The following ACP5 variants were observed in gnomAD, a reference collection of about 807,000 sequenced individuals.
The protein encoded by ACP5 is acid phosphatase 5, tartrate resistant.
ACP5 carries 24 observed loss-of-function variants against 28.7 expected under a neutral mutation model. That is an observed-to-expected ratio of 0.84 (90% CI 0.61 to 1.18). ACP5 has a LOEUF of 1.18. Among genes scored for constraint, ACP5 ranks in the 50% most tolerant of loss-of-function variants. The pLI, the probability that ACP5 is intolerant of heterozygous loss-of-function variation, is 0.00. For missense variants in ACP5, 354 were observed against 422.2 expected, an observed-to-expected ratio of 0.84 and a Z score of 1.42; for synonymous variants, 154 against 181.4, an observed-to-expected ratio of 0.85 and a Z score of 1.21.
chr19:11,578,409 C>A (rs904610459), upstream of ACP5, among the ~76,000 whole-genome samples: 2 of 152,184 alleles, frequency 1.3e-5, no homozygotes, highest in South Asian at 4.1e-4. Flanking sequence ...CCCCTCCCCC[C>A]AGACTCCCAT....
chr19:11,576,197 G>A lies in ACP5; in HGVS notation c.735+46C>T, dbSNP rs559438510. On this transcript the variant is annotated intron_variant, in intron 4 of 4. Coordinates refer to ENST00000648477, the MANE Select transcript of ACP5 (RefSeq NM_001611.5). The stretch of plus-strand genomic sequence containing the variant: ...CAGCCATGTGGACATCAGCTGGGAT[G>A]GGGACCCCCCTCACCCAGCTCCCAC... The A allele has an allele frequency of 8.5e-5, 133 of 1,558,976 alleles. 1 individual carries two copies. In the South Asian group the frequency reaches 1.5e-3, roughly 17 times the overall value.
At chr19:11,575,273 G>A in intron 4 of ACP5, 21 bp from the exon 5 acceptor site, 1 of 1,613,108 alleles carries the variant, frequency 6.2e-7, no homozygotes, top group Non-Finnish European at 8.5e-7. Context: ...AGGACAAGGG[G>A]TCAGTGGAGA....
chr19:11,575,367 C>T, intron 4 of ACP5, 115 bp from the exon 5 acceptor site: 1 of 1,292,474 alleles, frequency 7.7e-7, no homozygotes. Flanking sequence ...TGTAACCCCT[C>T]CTGGCTTCAA....
chr19:11,575,220 C>T lies in ACP5; in HGVS notation c.768G>A (p.Val256=), dbSNP rs1388573962. ...YLQDENGVGY[V]LSGAGNFMDP... ...CCATGAAATTCCCAGCCCCACTCAG[C>T]ACGTAGCCCACGCCATTCTCATCTT... The change falls in exon 5 of 5, where the codon GTG becomes GTA. Residue 256 remains valine (V), a synonymous_variant. Coordinates refer to ENST00000648477, the MANE Select transcript of ACP5 (RefSeq NM_001611.5). 6.2e-7 allele frequency: 1 copy of T among 1,613,870 alleles called. No homozygotes were observed. The highest frequency in any genetic ancestry group is 8.5e-7 in the Non-Finnish European group (1 of 1,180,034).
In ACP5 at chr19:11,576,498, T is replaced by C. The variant is rs373684791; in HGVS notation, c.480A>G (p.Leu160=). 6.2e-6 allele frequency: 10 copies of C among 1,613,978 alleles called. No individual in the cohort carries two copies. The highest frequency in any genetic ancestry group is 8.5e-6 in the Non-Finnish European group (10 of 1,179,978). The change falls in exon 4 of 5, where the codon CTA becomes CTG. Residue 160 remains leucine, a synonymous_variant. Transcript: ENST00000648477. ...VAIFMLDTVT[L]CGNSDDFLSQ... ...TGAGGAAGTCATCTGAGTTGCCACA[T>C]AGTGTCACTGTGTCCAGCATAAAAA...
At chr19:11,578,407 C>A (rs1485079242), upstream of ACP5, among the ~76,000 whole-genome samples, 1 of 152,174 alleles carries the variant, frequency 6.6e-6, no homozygotes, top group Non-Finnish European at 1.5e-5. Context: ...CTCCCCTCCC[C>A]CCAGACTCCC....
intron 4 of ACP5, among the ~76,000 whole-genome samples, 180 bp downstream of exon 4, chr19:11,576,063 G>A (rs1160324233): frequency 1.4e-5 from 2 of 144,800 alleles, no homozygotes; most frequent in African/African-American, 2.6e-5. Context: ...TTGGCAATTC[G>A]AAGATATTAT....
In ACP5 at chr19:11,576,707, G is replaced by A. The variant is rs769135184; in HGVS notation, c.389+9C>T. On this transcript the variant is annotated intron_variant, in intron 3 of 4. Transcript: ENST00000648477. ...AGGATCTCGGAAGGCAGGGCTGAGGGTGGCTCACCAGCGCTTGGAGATCTT... is the reference window on the plus strand; with the variant it reads ...AGGATCTCGGAAGGCAGGGCTGAGGATGGCTCACCAGCGCTTGGAGATCTT... 4.3e-6 allele frequency: 7 copies of A among 1,613,350 alleles called. No individual in the cohort carries two copies. Among genetic ancestry groups the A allele is most frequent in the East Asian group, 4.5e-5 (2 of 44,806 alleles).
In ACP5 at chr19:11,575,038, G is replaced by C. The variant is rs375523195; in HGVS notation, c.950C>G (p.Thr317Ser). 2.7e-5 allele frequency: 43 copies of C among 1,614,082 alleles called. No individual in the cohort carries two copies. The highest frequency in any genetic ancestry group is 3.6e-5 in the Non-Finnish European group (42 of 1,180,036). The change falls in exon 5 of 5, where the codon ACC becomes AGC. Residue 317 changes from threonine to serine, a missense_variant. Physicochemically the swap from Thr to Ser is moderately conservative, Grantham distance 58 (BLOSUM62 1). Coordinates refer to ENST00000648477, the MANE Select transcript of ACP5 (RefSeq NM_001611.5). Reference sequence around the variant, plus strand: ...GGGCCTGGCTCGCCTCGGCAGCCTGGTCTTAAAGAGGGACTTGCCCGAGGC... The same window carrying C: ...GGGCCTGGCTCGCCTCGGCAGCCTGCTCTTAAAGAGGGACTTGCCCGAGGC... ...IEASGKSLFK[T>S]RLPRRARP
In ACP5 at chr19:11,576,441, C is replaced by T. The variant is rs1460960647; in HGVS notation, c.537G>A (p.Lys179=). 3.1e-6 allele frequency: 5 copies of T among 1,614,112 alleles called. No homozygotes were observed. Among genetic ancestry groups the T allele is most frequent in the Non-Finnish European group, 4.2e-6 (5 of 1,180,036 alleles). ...SQQPERPRDV[K]LARTQLSWLK... ...GCCAGGACAGCTGTGTGCGGGCCAG[C>T]TTCACGTCTCGGGGCCTCTCAGGCT... The change falls in exon 4 of 5, where the codon AAG becomes AAA. Residue 179 remains lysine, a synonymous_variant. Coordinates refer to ENST00000648477, the MANE Select transcript of ACP5 (RefSeq NM_001611.5).
upstream of ACP5, among the ~76,000 whole-genome samples, chr19:11,578,381 A>T (rs1234586096): frequency 6.6e-6 from 1 of 151,982 alleles, no homozygotes; most frequent in Non-Finnish European, 1.5e-5. Flanking sequence ...CTTTTCCAGG[A>T]AGTCCTGCCC....
In ACP5 at chr19:11,577,400, G is replaced by C; in HGVS notation, c.1-83C>G. The C allele has an allele frequency of 6.7e-7, 1 of 1,483,226 alleles. No homozygotes were observed. Among genetic ancestry groups the C allele is most frequent in the Non-Finnish European group, 9.2e-7 (1 of 1,082,608 alleles). 91.9% of individuals were successfully genotyped at this position (1,483,226 alleles called of 1,614,324 possible). On this transcript the variant is annotated intron_variant, in intron 1 of 4. Transcript: ENST00000648477. The surrounding 1 kb of genome is among the most constrained non-coding windows in gnomAD (Gnocchi z 5.7). ...TGAGACCCCCGCCTGCCCTGAGATA[G>C]AGGGAGACTGCTTGCTGCAGGCTGC...
chr19:11,577,233 C>G lies in ACP5; in HGVS notation c.85G>C (p.Val29Leu). The G allele has an allele frequency of 1.9e-6, 3 of 1,614,178 alleles. No homozygotes were observed. The highest frequency in any genetic ancestry group is 2.5e-6 in the Non-Finnish European group (3 of 1,180,020). Residue 29 changes from valine to leucine, a missense_variant, in exon 2 of 5, where the codon GTA (valine) becomes CTA (leucine). Physicochemically the swap from Val to Leu is conservative, Grantham distance 32. Coordinates refer to ENST00000648477, the MANE Select transcript of ACP5 (RefSeq NM_001611.5). The surrounding 1 kb of genome is among the most constrained non-coding windows in gnomAD (Gnocchi z 5.7). ...ACCCCTCCCCAGTCACCCACGGCTA[C>G]AAAGCGCAGGGCAGGGGTGGCACCA... ...ADGATPALRF[V>L]AVGDWGGVPN...
intron 3 of ACP5, 22 bp downstream of exon 3, chr19:11,576,694 G>A: frequency 1.9e-6 from 3 of 1,614,030 alleles, no homozygotes; most frequent in Non-Finnish European, 2.5e-6. Flanking sequence ...GATCTCGGAA[G>A]GCAGGGCTGA....
At chr19:11,575,726 C>T (rs1973110762) in intron 4 of ACP5, among the ~76,000 whole-genome samples, 1 of 151,544 alleles carries the variant, frequency 6.6e-6, no homozygotes, top group Non-Finnish European at 1.5e-5. Context: ...GTTTGGTGGC[C>T]CATGCTTGTA....
intron 4 of ACP5, chr19:11,575,611 A>C (rs1468954984): frequency 3.3e-6 from 1 of 303,178 alleles, no homozygotes; most frequent in African/African-American, 2.1e-5. Flanking sequence ...TAATCCCAGC[A>C]CTTTGGGAGG....
chr19:11,574,905 C>G lies in ACP5; in HGVS notation c.*105G>C. ...TGTGTTTCCCCTTCCTGCCCTGCTG[C>G]AGCGCCACAGGTTGGAGGAAAAGCC... On this transcript the variant is annotated 3_prime_UTR_variant, in exon 5 of 5. Coordinates refer to ENST00000648477, the MANE Select transcript of ACP5 (RefSeq NM_001611.5). The G allele has an allele frequency of 7.3e-7, 1 of 1,363,002 alleles. No homozygotes were observed. Among genetic ancestry groups the G allele is most frequent in the Non-Finnish European group, 1.0e-6 (1 of 962,974 alleles). The allele number at this position is 1,363,002 out of a possible 1,614,324, so 84.4% of individuals were successfully genotyped here.
Position 11,574,966 on chromosome 19 carries a change from C to T in ACP5, c.*44G>A, listed in dbSNP as rs1006885424. On this transcript the variant is annotated 3_prime_UTR_variant, in exon 5 of 5. Transcript: ENST00000648477. ...CAGGGTCCCGGCAGGGCCCACCCACCCAACAGTGGAGATCGGGCCTCAGAG... is the reference window on the plus strand; with the variant it reads ...CAGGGTCCCGGCAGGGCCCACCCACTCAACAGTGGAGATCGGGCCTCAGAG... 5.0e-6 allele frequency: 8 copies of T among 1,612,960 alleles called. No individual in the cohort carries two copies. Among genetic ancestry groups the T allele is most frequent in the Non-Finnish European group, 5.1e-6 (6 of 1,179,612 alleles).
At position 11,577,596 on chromosome 19, in the gene ACP5, G is replaced by C. The variant is rs1973221985; in HGVS notation, c.-4C>G. On this transcript the variant is annotated 5_prime_UTR_variant, in exon 1 of 5. Transcript: ENST00000648477. The surrounding 1 kb of genome is among the most constrained non-coding windows in gnomAD (Gnocchi z 5.7). ...ACCTAGCCTGCCCAGCACTCACCCA[G>C]GGGGAGACACAGGCCAGTCACCGGA... The C allele has an allele frequency of 3.7e-6, 2 of 546,346 alleles. No individual in the cohort carries two copies. The highest frequency in any genetic ancestry group is 1.9e-5 in the African/African-American group (1 of 52,770). 33.8% of individuals were successfully genotyped at this position (546,346 alleles called of 1,614,324 possible).
Sources: gnomAD v4.1 joint callset for allele counts (sites outside exome capture counted in the v4.1 genomes callset) on GRCh38, gnomAD v4.1.1 for gene constraint, Gnocchi (gnomAD v3.1) non-coding constraint, MANE v1.5 for transcripts, NCBI Gene and HGNC (gene_info 2026-07-23, HGNC 2026-07-21) for gene names.